Variants in RSF1 observed in about 807,000 individuals in gnomAD.
RSF1 encodes the protein remodeling and spacing factor 1.
In RSF1, 13 loss-of-function variants were observed where a neutral mutation model predicts 145.2. That is an observed-to-expected ratio of 0.09 (90% CI 0.06 to 0.14). RSF1 has a LOEUF of 0.14. Among genes scored for constraint, RSF1 ranks in the 10% least tolerant of loss-of-function variants. The pLI, the probability that RSF1 is intolerant of heterozygous loss-of-function variation, is 1.00. For synonymous variants in RSF1, 577 were observed against 592.6 expected (o/e 0.97, Z 0.38); for missense variants, 1,517 against 1,718.2 (o/e 0.88, Z 2.07).
At chr11:77,697,066 T>C (rs1336647121) in intron 7 of RSF1, among the ~76,000 whole-genome samples, 1 of 152,172 alleles carries the variant, frequency 6.6e-6, no homozygotes, top group Non-Finnish European at 1.5e-5. Flanking sequence ...CAGAAGTATG[T>C]GGCGTGAGTC....
At chr11:77,742,851 G>T (rs1424231964) in intron 3 of RSF1, among the ~76,000 whole-genome samples, 3 of 152,028 alleles carry the variant, frequency 2.0e-5, no homozygotes, top group Non-Finnish European at 4.4e-5. Context: ...TTTGAATATT[G>T]AACTCTTTTA....
the RSF1 span, among the ~76,000 whole-genome samples, chr11:77,861,681 T>G: frequency 6.6e-6 from 1 of 152,208 alleles, no homozygotes; most frequent in African/African-American, 2.4e-5. Flanking sequence ...AAAGTGTCCT[T>G]GTAGACCGCA....
chr11:77,871,636 T>C, the RSF1 span, among the ~76,000 whole-genome samples: 1 of 152,216 alleles, frequency 6.6e-6, no homozygotes, highest in African/African-American at 2.4e-5. Flanking sequence ...ATACCTATTT[T>C]ACAAGGGAAG....
the RSF1 span, among the ~76,000 whole-genome samples, chr11:77,850,347 T>C: frequency 6.6e-6 from 1 of 152,238 alleles, no homozygotes; most frequent in Non-Finnish European, 1.5e-5. Flanking sequence ...ACATAACTAA[T>C]AATTTTTGGA....
At chr11:77,670,198 T>C (rs1959484754) in intron 15 of RSF1, among the ~76,000 whole-genome samples, 1 of 152,194 alleles carries the variant, frequency 6.6e-6, no homozygotes, top group Non-Finnish European at 1.5e-5. Context: ...CACTGACTTC[T>C]TTGCTTCATC....
intron 7 of RSF1, among the ~76,000 whole-genome samples, chr11:77,696,832 A>T (rs886098359): frequency 6.6e-6 from 1 of 152,212 alleles, no homozygotes; most frequent in African/African-American, 2.4e-5. Flanking sequence ...TTCAACATCT[A>T]TTCTTCTCAG....
chr11:77,720,628 G>A (rs1960921354), intron 5 of RSF1, among the ~76,000 whole-genome samples: 1 of 152,122 alleles, frequency 6.6e-6, no homozygotes, highest in Admixed American at 6.5e-5. Flanking sequence ...TAATATAAGT[G>A]GGATACAAAT....
At chr11:77,691,298 T>C in intron 8 of RSF1, 60 bp from the exon 9 acceptor site, 2 of 1,448,948 alleles carry the variant, frequency 1.4e-6, no homozygotes, top group Non-Finnish European at 1.9e-6. Context: ...ATTTATTACA[T>C]ACATGTTAAC....
rs574968221 is a variant in RSF1 at position 77,706,158 on chromosome 11, T to G, written c.734-3663A>C. On this transcript the variant is annotated intron_variant, in intron 5 of 15. Coordinates refer to ENST00000308488, the MANE Select transcript of RSF1 (RefSeq NM_016578.4). ...CGAGAGGCTGAGGCAGGAAAATGGC[T>G]TGAACCCGGGAGGCAGAGGCTGCAG... Among the ~76,000 whole-genome samples the G allele has an allele frequency of 1.1e-4, 17 of 150,986 alleles. 1 individual carries two copies. The highest frequency in any genetic ancestry group is 6.3e-4 in the South Asian group (3 of 4,762).
intron 1 of RSF1, among the ~76,000 whole-genome samples, chr11:77,783,200 T>C (rs189133024): frequency 5.9e-5 from 9 of 152,368 alleles, no homozygotes; most frequent in Non-Finnish European, 8.8e-5. Flanking sequence ...TGCAATTCCT[T>C]GTTCTCATCC....
chr11:77,762,495 G>T (rs2135936393), intron 2 of RSF1: 1 of 152,228 alleles, frequency 6.6e-6, no homozygotes, highest in East Asian at 1.9e-4. Flanking sequence ...ACACATGACT[G>T]TTAGGCCTCC....
At chr11:77,768,304 A>C (rs1295205687) in intron 1 of RSF1, among the ~76,000 whole-genome samples, 1 of 151,712 alleles carries the variant, frequency 6.6e-6, no homozygotes, top group African/African-American at 2.4e-5. Context: ...CTGGGATTAC[A>C]GGCGTGCGCC....
chr11:77,750,481 T>G (rs980617586), intron 2 of RSF1, among the ~76,000 whole-genome samples: 1 of 152,202 alleles, frequency 6.6e-6, no homozygotes, highest in Admixed American at 6.5e-5. Context: ...TTCTTTTGAG[T>G]TTTTCTCCCA....
chr11:77,830,987 CAAAA>C, the RSF1 span, among the ~76,000 whole-genome samples: 12 of 100,514 alleles, frequency 1.2e-4, no homozygotes, highest in Admixed American at 4.4e-4. Context: ...CAAAATATAC[CAAAA>C]AAAAAAAAAA....
At position 77,662,361 on chromosome 11, in the gene RSF1, G is replaced by T. The variant is rs1326293183; in HGVS notation, c.*4556C>A. ...AGGAGGAAAAAAGGTCCACAAATTGGATCCTCTTCTAATCGACTTCCAGGA... is the reference window on the plus strand; with the variant it reads ...AGGAGGAAAAAAGGTCCACAAATTGTATCCTCTTCTAATCGACTTCCAGGA... On this transcript the variant is annotated 3_prime_UTR_variant, in exon 16 of 16. Transcript: ENST00000308488. 6.6e-6 allele frequency: 1 copy of T among 152,056 alleles called. No homozygotes were observed. Among genetic ancestry groups the T allele is most frequent in the Non-Finnish European group, 1.5e-5 (1 of 67,984 alleles). The allele number at this position is 152,056 out of a possible 1,614,324, so 9.4% of individuals were successfully genotyped here. A position where few individuals can be genotyped will look rare whatever the true frequency, so the allele number is the denominator to read the frequency against.
intron 1 of RSF1, among the ~76,000 whole-genome samples, chr11:77,816,732 C>A (rs1948785388): frequency 6.6e-6 from 1 of 152,190 alleles, no homozygotes; most frequent in Non-Finnish European, 1.5e-5. Flanking sequence ...AGGGATCTCA[C>A]AAAGTCAACG....
intron 3 of RSF1, among the ~76,000 whole-genome samples, chr11:77,743,379 T>C (rs143215618): frequency 6.6e-6 from 1 of 152,236 alleles, no homozygotes; most frequent in Admixed American, 6.5e-5. Flanking sequence ...CAGGACATCT[T>C]TTCATTTGTC....
At chr11:77,818,473 A>G (rs188298139) in intron 1 of RSF1, among the ~76,000 whole-genome samples, 2 of 152,234 alleles carry the variant, frequency 1.3e-5, no homozygotes, top group Admixed American at 1.3e-4. Context: ...CCTACTTCAC[A>G]ATGACTACCT....
the RSF1 span, among the ~76,000 whole-genome samples, chr11:77,833,535 G>A: frequency 6.6e-6 from 1 of 152,182 alleles, no homozygotes; most frequent in Non-Finnish European, 1.5e-5. Flanking sequence ...TACAGACAAA[G>A]TATCGCTCAC....
Sources: allele counts gnomAD v4.1 joint callset (sites outside exome capture counted in the v4.1 genomes callset), GRCh38; gene constraint gnomAD v4.1.1; transcripts MANE v1.5; gene names NCBI Gene and HGNC (gene_info 2026-07-23, HGNC 2026-07-21).